The following GABRB3 variants were observed in gnomAD, a reference collection of about 807,000 sequenced individuals.
GABRB3 encodes the protein gamma-aminobutyric acid receptor subunit beta-3.
Under a neutral mutation model 52.1 loss-of-function variants are expected in GABRB3, and 14 were observed. That is an observed-to-expected ratio of 0.27 (90% CI 0.18 to 0.42). GABRB3 has a LOEUF of 0.42. Ranked by LOEUF, GABRB3 falls within the 10% of genes least tolerant of loss-of-function variation. The pLI, the probability that GABRB3 is intolerant of heterozygous loss-of-function variation, is 1.00. For synonymous variants in GABRB3, 260 were observed against 232.3 expected (o/e 1.12, Z -1.08); for missense variants, 307 against 609.1 (o/e 0.50, Z 5.22).
At chr15:26,716,521 G>T in intron 3 of GABRB3, 5 of 874,700 alleles carry the variant, frequency 5.7e-6, no homozygotes, top group South Asian at 1.0e-4. Context: ...TGAGCAATGT[G>T]TGCAAGTTCC....
intron 8 of GABRB3, among the ~76,000 whole-genome samples, chr15:26,554,041 T>TTTTA (rs1567096776): frequency 1.6e-5 from 1 of 62,104 alleles, no homozygotes; most frequent in Admixed American, 2.3e-4. Flanking sequence ...ATATATTTAT[T>TTTTA]TATTTATATT....
Position 26,698,247 on chromosome 15 carries a change from G to C in GABRB3, c.240+74155C>G, listed in dbSNP as rs137969129. 4.9e-3 allele frequency among the ~76,000 whole-genome samples: 742 copies of C among 152,310 alleles called. 3 individuals carry two copies. Among genetic ancestry groups the C allele is most frequent in the African/African-American group, 0.017 (701 of 41,560 alleles). On this transcript the variant is annotated intron_variant, in intron 3 of 8. Coordinates refer to ENST00000311550, the MANE Select transcript of GABRB3 (RefSeq NM_000814.6). ...TGCCTCTGAGAATTAGAAACAGGGA[G>C]AAAATGCAATAAAGTGTTTACCCAT...
intron 3 of GABRB3, among the ~76,000 whole-genome samples, chr15:26,642,932 A>G (rs879370616): frequency 2.0e-5 from 3 of 152,046 alleles, no homozygotes; most frequent in African/African-American, 4.8e-5. Flanking sequence ...CGGTATTGCC[A>G]GTCTGTCTCA....
At chr15:26,572,264 C>G (rs915659476) in intron 6 of GABRB3, among the ~76,000 whole-genome samples, 1 of 152,184 alleles carries the variant, frequency 6.6e-6, no homozygotes, top group African/African-American at 2.4e-5. Flanking sequence ...AAAGCTGTGG[C>G]GTGCACTATC....
intron 4 of GABRB3, among the ~76,000 whole-genome samples, chr15:26,587,274 C>T (rs538881525): frequency 1.3e-5 from 2 of 152,108 alleles, no homozygotes; most frequent in Non-Finnish European, 2.9e-5. Flanking sequence ...ATAAAGTAGA[C>T]ACATCTACTC....
intron 3 of GABRB3, among the ~76,000 whole-genome samples, chr15:26,747,581 T>C (rs1318932619): frequency 3.9e-5 from 6 of 152,244 alleles, no homozygotes; most frequent in Non-Finnish European, 2.9e-5. Flanking sequence ...TCCAGTAATC[T>C]TGTTTAATTC....
intron 8 of GABRB3, among the ~76,000 whole-genome samples, chr15:26,555,143 C>T (rs533866729): frequency 6.6e-6 from 1 of 152,236 alleles, no homozygotes; most frequent in South Asian, 2.1e-4. Flanking sequence ...GAGATCGCGC[C>T]ACTGCACTCC....
At chr15:26,569,053 C>G (rs1278344510) in intron 6 of GABRB3, among the ~76,000 whole-genome samples, 1 of 152,144 alleles carries the variant, frequency 6.6e-6, no homozygotes, top group Non-Finnish European at 1.5e-5. Context: ...GAGGCCTCAC[C>G]TTTCCTGATC....
At chr15:26,565,898 G>A (rs1383260116) in intron 7 of GABRB3, among the ~76,000 whole-genome samples, 6 of 152,080 alleles carry the variant, frequency 3.9e-5, no homozygotes, top group Non-Finnish European at 8.8e-5. Context: ...CAGCAACTTT[G>A]TATTTGTATA....
intron 7 of GABRB3, among the ~76,000 whole-genome samples, chr15:26,563,114 C>T (rs969156927): frequency 5.3e-5 from 8 of 152,150 alleles, no homozygotes; most frequent in Admixed American, 2.6e-4. Context: ...TTGGGAAGAC[C>T]GAGCGCTTTG....
At chr15:26,737,240 G>A (rs1454234281) in intron 3 of GABRB3, among the ~76,000 whole-genome samples, 1 of 152,186 alleles carries the variant, frequency 6.6e-6, no homozygotes, top group African/African-American at 2.4e-5. Context: ...GTGATGACTC[G>A]ATAGCCCAGG....
At chr15:26,617,574 A>C (rs2140529233) in intron 4 of GABRB3, among the ~76,000 whole-genome samples, 1 of 152,192 alleles carries the variant, frequency 6.6e-6, no homozygotes, top group South Asian at 2.1e-4. Context: ...AATGGGCAAA[A>C]ACTGGAAGCA....
intron 3 of GABRB3, among the ~76,000 whole-genome samples, chr15:26,761,810 A>G (rs1269336873): frequency 6.6e-6 from 1 of 152,026 alleles, no homozygotes; most frequent in African/African-American, 2.4e-5. Flanking sequence ...TCTCCTCTTC[A>G]ACACACACCT....
intron 3 of GABRB3, among the ~76,000 whole-genome samples, chr15:26,713,300 T>C (rs959542634): frequency 7.2e-5 from 11 of 152,294 alleles, no homozygotes; most frequent in African/African-American, 2.4e-4. Context: ...AACCTTTTTA[T>C]TATTTTTTCA....
At chr15:26,724,575 T>C (rs1255159232) in intron 3 of GABRB3, among the ~76,000 whole-genome samples, 2 of 152,262 alleles carry the variant, frequency 1.3e-5, no homozygotes, top group South Asian at 2.1e-4. Flanking sequence ...CATGGAGTGG[T>C]TGGCGCCAGT....
chr15:26,722,624 C>CTTT (rs2140142496), intron 3 of GABRB3, among the ~76,000 whole-genome samples: 1 of 151,760 alleles, frequency 6.6e-6, no homozygotes, highest in East Asian at 1.9e-4. Context: ...ATTGTCGTCC[C>CTTT]TAAGTATCTT....
intron 3 of GABRB3, among the ~76,000 whole-genome samples, chr15:26,738,994 T>C (rs1487784552): frequency 3.3e-5 from 5 of 152,124 alleles, no homozygotes; most frequent in African/African-American, 1.2e-4. Context: ...CCTAACAATA[T>C]GTCTAATTTA....
intron 3 of GABRB3, among the ~76,000 whole-genome samples, chr15:26,700,526 C>T (rs1475420870): frequency 1.3e-5 from 2 of 152,192 alleles, no homozygotes; most frequent in African/African-American, 4.8e-5. Flanking sequence ...GGGAGGAAAA[C>T]TGCAGATCGG....
chr15:26,554,031 ATATATTTATTTATT>A (rs1460807009), intron 8 of GABRB3, among the ~76,000 whole-genome samples: 1 of 76,030 alleles, frequency 1.3e-5, no homozygotes, highest in Non-Finnish European at 2.6e-5. Context: ...TTATATATAT[ATATATTTATTTATT>A]TATATTTATT....
Sources: allele counts gnomAD v4.1 joint callset (sites outside exome capture counted in the v4.1 genomes callset), GRCh38; gene constraint gnomAD v4.1.1; transcripts MANE v1.5; gene names NCBI Gene and HGNC (gene_info 2026-07-23, HGNC 2026-07-21).